ITGA3: variants seen among roughly 807,000 people sequenced by gnomAD.
ITGA3 encodes integrin subunit alpha 3, also known as integrin alpha-3.
Under a neutral mutation model 131.1 loss-of-function variants are expected in ITGA3, and 70 were observed. The observed-to-expected ratio is 0.53, with a 90% CI of 0.44 to 0.65. The LOEUF (loss-of-function observed/expected upper bound fraction) is 0.65, where lower values mean the gene tolerates loss of function less well. Ranked by LOEUF, ITGA3 falls within the 30% of genes least tolerant of loss-of-function variation. ITGA3 has a pLI of 0.00. For missense variants in ITGA3, 1,098 were observed against 1,388.6 expected, an observed-to-expected ratio of 0.79 and a Z score of 3.33; for synonymous variants, 537 against 571.6, an observed-to-expected ratio of 0.94 and a Z score of 0.86.
At position 50,081,009 on chromosome 17, in the gene ITGA3, T is replaced by C. The variant is rs1293315147; in HGVS notation, c.2821-301T>C. On this transcript the variant is annotated intron_variant, in intron 22 of 25. Coordinates refer to ENST00000320031, the MANE Select transcript of ITGA3 (RefSeq NM_002204.4). ...AATGGGTGTGGCCGTGCGCCAAAAA[T>C]ACTTCATTTACAACAGCAGGTGCCA... is the stretch of plus-strand genomic sequence containing the variant. 1.9e-5 allele frequency: 7 copies of C among 362,384 alleles called. No homozygotes were observed. In the South Asian group the frequency reaches 2.8e-4, roughly 14 times the overall value. The allele number at this position is 362,384 out of a possible 1,614,324, so 22.4% of individuals were successfully genotyped here.
At chr17:50,071,180 T>C in intron 5 of ITGA3, 131 bp from the exon 6 acceptor site, 1 of 861,816 alleles carries the variant, frequency 1.2e-6, no homozygotes, top group East Asian at 2.6e-5. Flanking sequence ...GAGTCTACTT[T>C]CTTGCCCTAC....
At position 50,089,470 on chromosome 17, in the gene ITGA3, G is replaced by A. The variant is rs374403365; in HGVS notation, c.*392G>A. The A allele has an allele frequency of 1.8e-4, 103 of 584,886 alleles. No homozygotes were observed. Among genetic ancestry groups the A allele is most frequent in the East Asian group, 1.5e-3 (52 of 35,384 alleles). 36.2% of individuals were successfully genotyped at this position (584,886 alleles called of 1,614,324 possible). A position where few individuals can be genotyped will look rare whatever the true frequency, so the allele number is the denominator to read the frequency against. On this transcript the variant is annotated 3_prime_UTR_variant, in exon 26 of 26. Coordinates refer to ENST00000320031, the MANE Select transcript of ITGA3 (RefSeq NM_002204.4). Reference sequence around the variant, plus strand: ...GGGCCAGCGCTGTGGACCTTACAACGCCGAGTGCACTGCATTCCTGTGCCC... The same window carrying A: ...GGGCCAGCGCTGTGGACCTTACAACACCGAGTGCACTGCATTCCTGTGCCC...
In ITGA3 at chr17:50,072,045, G is replaced by C. The variant is rs747397146; in HGVS notation, c.1019G>C (p.Gly340Ala). Residue 340 changes from glycine (G) to alanine (A), a missense_variant, in exon 7 of 26, where the codon GGT (glycine) becomes GCT (alanine). This residue lies in a region of ITGA3 where 356 missense variants were observed against 529.2 expected (regional missense o/e 0.67). Coordinates refer to ENST00000320031, the MANE Select transcript of ITGA3 (RefSeq NM_002204.4). ...TTCGAGAGGAAAGAGGAAGTAGGGG[G>C]TGCCATCTATGTCTTCATGAACCAG... ...YYFERKEEVG[G>A]AIYVFMNQAG... 3 of 1,614,076 alleles carry C rather than the reference G, an allele frequency of 1.9e-6. No homozygotes were observed. In the South Asian group the frequency reaches 3.3e-5, roughly 18 times the overall value.
chr17:50,085,406 T>A (rs947767319), intron 23 of ITGA3, among the ~76,000 whole-genome samples: 1 of 151,998 alleles, frequency 6.6e-6, no homozygotes, highest in African/African-American at 2.4e-5. Context: ...GGCTCACGCC[T>A]GTAATCCCAG....
chr17:50,059,403 G>T (rs912178624), intron 1 of ITGA3, among the ~76,000 whole-genome samples: 1 of 152,140 alleles, frequency 6.6e-6, no homozygotes, highest in Admixed American at 6.5e-5. Flanking sequence ...TGGAAATGAG[G>T]GTATCTGGGA....
At position 50,056,756 on chromosome 17, in the gene ITGA3, A is replaced by T; in HGVS notation, c.206+111A>T. The T allele has an allele frequency of 9.0e-7, 1 of 1,112,628 alleles. No homozygotes were observed. The highest frequency in any genetic ancestry group is 2.7e-5 in the East Asian group (1 of 37,488). 68.9% of individuals were successfully genotyped at this position (1,112,628 alleles called of 1,614,324 possible). On this transcript the variant is annotated intron_variant, in intron 1 of 25. Transcript: ENST00000320031. This position sits in a 1 kb window ranked among gnomAD's most constrained non-coding sequence, Gnocchi z 5.6. ...CAGCTGGCCCTTGGGAGCCAGGATT[A>T]AGGGGCGGCCCTCTGGCTGCTGGGG... is the stretch of plus-strand genomic sequence containing the variant.
chr17:50,082,859 T>TC (rs35833165), intron 23 of ITGA3, among the ~76,000 whole-genome samples: 14,384 of 152,190 alleles, frequency 0.095, 1,279 homozygotes, highest in African/African-American at 0.23. Context: ...TGTCAGATCT[T>TC]CCACCCAAAT....
chr17:50,082,086 C>T (rs1418206447), intron 23 of ITGA3, among the ~76,000 whole-genome samples: 1 of 152,202 alleles, frequency 6.6e-6, no homozygotes, highest in Non-Finnish European at 1.5e-5. Context: ...CTCCTGGGCT[C>T]AAGAAATCCT....
chr17:50,064,485 A>G lies in ITGA3; in HGVS notation c.335-43A>G, dbSNP rs113634462. ...CTCTGGAGACTTTGGGCACTGAAGT[A>G]TGGGTGAGGTGCTCTGATTCATGAT... On this transcript the variant is annotated intron_variant, in intron 2 of 25. Transcript: ENST00000320031. This position sits in a 1 kb window ranked among gnomAD's most constrained non-coding sequence, Gnocchi z 4.4. The G allele has an allele frequency of 7.4e-5, 117 of 1,571,688 alleles. No individual in the cohort carries two copies. The African/African-American group carries it at 1.4e-3, about 18-fold the overall frequency.
At chr17:50,073,045 A>G (rs1272603325) in intron 7 of ITGA3, among the ~76,000 whole-genome samples, 1 of 152,180 alleles carries the variant, frequency 6.6e-6, no homozygotes, top group Non-Finnish European at 1.5e-5. Context: ...CAGTCACCAG[A>G]GGCCAAGTGT....
In ITGA3 at chr17:50,089,244, G is replaced by T; in HGVS notation, c.*166G>T. On this transcript the variant is annotated 3_prime_UTR_variant, in exon 26 of 26. Transcript: ENST00000320031. Reference sequence around the variant, plus strand: ...AGAAGCACTGGGTGACCAGCTGGCAGACTCGGGACCAATACTACTGACGTC... The same window carrying T: ...AGAAGCACTGGGTGACCAGCTGGCATACTCGGGACCAATACTACTGACGTC... 6.2e-7 allele frequency: 1 copy of T among 1,613,584 alleles called. No homozygotes were observed.
intron 18 of ITGA3, 33 bp from the exon 19 acceptor site, chr17:50,078,791 C>T (rs892289068): frequency 1.5e-6 from 2 of 1,345,720 alleles, no homozygotes; most frequent in Non-Finnish European, 2.1e-6. Flanking sequence ...GGTCTCTTGT[C>T]CCCCGTGACT....
Position 50,076,556 on chromosome 17 carries a change from G to A in ITGA3, c.1825-28G>A, listed in dbSNP as rs1484295243. The A allele has an allele frequency of 3.1e-6, 5 of 1,609,606 alleles. No homozygotes were observed. In the Admixed American group the frequency reaches 5.0e-5, roughly 16 times the overall value. On this transcript the variant is annotated intron_variant, in intron 13 of 25. Transcript: ENST00000320031. ...GAGAGGGCACTGGGGGGGGTGGTGCGGCCTTCACACCTCCGGCCACCCCCC... is the reference window on the plus strand; with the variant it reads ...GAGAGGGCACTGGGGGGGGTGGTGCAGCCTTCACACCTCCGGCCACCCCCC...
At chr17:50,081,216 G>GT in intron 22 of ITGA3, 94 bp from the exon 23 acceptor site, 1 of 733,594 alleles carries the variant, frequency 1.4e-6, no homozygotes, top group East Asian at 2.8e-5. Context: ...GATGCTACTT[G>GT]GTGGGAGGGT....
rs1365812464 is a variant in ITGA3 at position 50,087,918 on chromosome 17, A to G, written c.3045+49A>G. 8 of 1,505,810 alleles carry G rather than the reference A, an allele frequency of 5.3e-6. No homozygotes were observed. In the Admixed American group the frequency reaches 1.2e-4, roughly 23 times the overall value. The allele number at this position is 1,505,810 out of a possible 1,614,324, so 93.3% of individuals were successfully genotyped here. A position where few individuals can be genotyped will look rare whatever the true frequency, so the allele number is the denominator to read the frequency against. The stretch of plus-strand genomic sequence containing the variant: ...CTCCGGGACCTCCACCAGCACACTC[A>G]CCAGCCCTTCCTCCAACCCACGTCT... On this transcript the variant is annotated intron_variant, in intron 24 of 25. Transcript: ENST00000320031.
chr17:50,059,720 G>C (rs1397001122), intron 1 of ITGA3, among the ~76,000 whole-genome samples: 1 of 152,206 alleles, frequency 6.6e-6, no homozygotes, highest in African/African-American at 2.4e-5. Flanking sequence ...TTGGTCAGAA[G>C]TAAACAAAGA....
At position 50,090,011 on chromosome 17, in the gene ITGA3, C is replaced by A; in HGVS notation, c.*933C>A. 1 of 262,472 alleles carries A rather than the reference C, an allele frequency of 3.8e-6. No individual in the cohort carries two copies. Among genetic ancestry groups the A allele is most frequent in the African/African-American group, 2.2e-5 (1 of 44,790 alleles). The allele number at this position is 262,472 out of a possible 1,614,324, so 16.3% of individuals were successfully genotyped here. ...TGTGCTGGGGCACGGCGGGATCCTC[C>A]ACAGAGAGGAGGGGACCAATTCTGG... On this transcript the variant is annotated 3_prime_UTR_variant, in exon 26 of 26. Coordinates refer to ENST00000320031, the MANE Select transcript of ITGA3 (RefSeq NM_002204.4).
intron 23 of ITGA3, among the ~76,000 whole-genome samples, chr17:50,084,085 T>C (rs1357857086): frequency 6.6e-6 from 1 of 151,444 alleles, no homozygotes; most frequent in East Asian, 1.9e-4. Context: ...AATACAAAAA[T>C]TAACTGGGCG....
intron 9 of ITGA3, 59 bp from the exon 10 acceptor site, chr17:50,074,389 A>C: frequency 1.3e-6 from 2 of 1,596,894 alleles, no homozygotes; most frequent in African/African-American, 1.3e-5. Context: ...CTGGGCCCCA[A>C]CTCTGGCCTG....
Sources: allele counts gnomAD v4.1 joint callset (sites outside exome capture counted in the v4.1 genomes callset), GRCh38; gene constraint gnomAD v4.1.1; regional missense constraint gnomAD v4.1.1; non-coding constraint Gnocchi (gnomAD v3.1); transcripts MANE v1.5; gene names NCBI Gene and HGNC (gene_info 2026-07-23, HGNC 2026-07-21).